The following ZNF704 variants were observed in gnomAD, a reference collection of about 807,000 sequenced individuals.
ZNF704 encodes glucocorticoid induced gene 1.
A neutral mutation model predicts 44.7 loss-of-function variants in ZNF704; 10 were observed. That is an observed-to-expected ratio of 0.22 (90% CI 0.14 to 0.38). The LOEUF is 0.38. Among genes scored for constraint, ZNF704 ranks in the 10% least tolerant of loss-of-function variants. ZNF704 has a pLI of 1.00. For missense variants in ZNF704, 390 were observed against 545.5 expected, an observed-to-expected ratio of 0.71 and a Z score of 2.84; for synonymous variants, 211 against 207.6, an observed-to-expected ratio of 1.02 and a Z score of -0.14.
chr8:80,782,746 G>A (rs955577309), intron 2 of ZNF704, among the ~76,000 whole-genome samples: 10 of 152,148 alleles, frequency 6.6e-5, no homozygotes, highest in Admixed American at 3.9e-4. Context: ...TTTTGAGGAA[G>A]TACAGTCGCT....
intron 2 of ZNF704, among the ~76,000 whole-genome samples, chr8:80,780,524 C>T (rs982694933): frequency 2.0e-5 from 3 of 151,926 alleles, no homozygotes; most frequent in Non-Finnish European, 4.4e-5. Context: ...GAAAAGAGGT[C>T]TTTGTAGCTT....
intron 2 of ZNF704, among the ~76,000 whole-genome samples, chr8:80,755,767 T>C (rs1168000794): frequency 6.6e-6 from 1 of 152,082 alleles, no homozygotes; most frequent in Non-Finnish European, 1.5e-5. Flanking sequence ...AGGTAAGCAA[T>C]GCACAAACAA....
At chr8:80,732,791 A>C (rs1806602988) in intron 2 of ZNF704, among the ~76,000 whole-genome samples, 1 of 152,034 alleles carries the variant, frequency 6.6e-6, no homozygotes, top group South Asian at 2.1e-4. Context: ...CCCCATCTCT[A>C]CTAAAAATAC....
intron 6 of ZNF704, 136 bp from the exon 7 acceptor site, chr8:80,659,825 A>C: frequency 1.4e-6 from 1 of 705,940 alleles, no homozygotes; most frequent in Non-Finnish European, 2.3e-6. Context: ...TAATAGGAAG[A>C]GATTAAACAA....
chr8:80,773,363 C>T (rs548379456), intron 2 of ZNF704, among the ~76,000 whole-genome samples: 5 of 152,166 alleles, frequency 3.3e-5, no homozygotes, highest in African/African-American at 1.2e-4. Flanking sequence ...GGTGTCATCA[C>T]TTTACCAGTT....
chr8:80,820,968 G>A (rs1272434221), intron 2 of ZNF704, among the ~76,000 whole-genome samples: 1 of 151,794 alleles, frequency 6.6e-6, no homozygotes, highest in Non-Finnish European at 1.5e-5. Context: ...AAACAGATCA[G>A]GGGCTGAATT....
rs531352047 is a variant in ZNF704, at chr8:80,767,779, C to T, written c.221+53595G>A. On this transcript the variant is annotated intron_variant, in intron 2 of 8. Transcript: ENST00000327835. ...TTACAAAGAAATTCACTTCGCTCTA[C>T]TCAGCTTTTTTGCTGCTATTAAAAT... Among the ~76,000 whole-genome samples, 5 of 152,334 alleles carry T rather than the reference C, an allele frequency of 3.3e-5. No individual in the cohort carries two copies. In the East Asian group the frequency reaches 9.6e-4, roughly 29 times the overall value.
At chr8:80,767,878 C>T (rs56012605) in intron 2 of ZNF704, among the ~76,000 whole-genome samples, 16,609 of 152,168 alleles carry the variant, frequency 0.11, 1,191 homozygotes, top group African/African-American at 0.21. Context: ...GCTTGCAGTA[C>T]ACATTTTAAG....
chr8:80,735,513 A>G lies in ZNF704; in HGVS notation c.222-42406T>C, dbSNP rs138303198. Among the ~76,000 whole-genome samples the G allele has an allele frequency of 1.4e-3, 215 of 152,348 alleles. 4 individuals carry two copies. In the East Asian group the frequency reaches 0.039, roughly 28 times the overall value. ...CCCACACAAAATCCATGTTCAACAAATGCCTTTTAAATATATTCAACTTAG... is the reference window on the plus strand; with the variant it reads ...CCCACACAAAATCCATGTTCAACAAGTGCCTTTTAAATATATTCAACTTAG... On this transcript the variant is annotated intron_variant, in intron 2 of 8. Coordinates refer to ENST00000327835, the MANE Select transcript of ZNF704 (RefSeq NM_001033723.3).
chr8:80,767,658 T>C (rs899789826), intron 2 of ZNF704, among the ~76,000 whole-genome samples: 1 of 152,220 alleles, frequency 6.6e-6, no homozygotes, highest in Non-Finnish European at 1.5e-5. Context: ...CTAGTTTTTG[T>C]AAACTTATTG....
At chr8:80,709,105 A>G (rs913835897) in intron 2 of ZNF704, among the ~76,000 whole-genome samples, 2 of 152,182 alleles carry the variant, frequency 1.3e-5, no homozygotes, top group Non-Finnish European at 2.9e-5. Flanking sequence ...TTCATCTACC[A>G]TAGACAGAAA....
chr8:80,648,381 A>G (rs113012843), intron 7 of ZNF704, among the ~76,000 whole-genome samples: 1 of 152,140 alleles, frequency 6.6e-6, no homozygotes, highest in Non-Finnish European at 1.5e-5. Flanking sequence ...GAGGCTCAAT[A>G]TGACATGTGA....
chr8:80,671,276 T>TG (rs1818273802), intron 4 of ZNF704, among the ~76,000 whole-genome samples: 1 of 152,166 alleles, frequency 6.6e-6, no homozygotes, highest in South Asian at 2.1e-4. Flanking sequence ...CATAGGTACA[T>TG]GCCACCATGC....
At chr8:80,880,801 A>G in the ZNF704 span, among the ~76,000 whole-genome samples, 9 of 152,282 alleles carry the variant, frequency 5.9e-5, no homozygotes. Flanking sequence ...ACACCATTAA[A>G]AAGTTTTAAA....
At chr8:80,731,328 A>T (rs1806578006) in intron 2 of ZNF704, among the ~76,000 whole-genome samples, 1 of 152,226 alleles carries the variant, frequency 6.6e-6, no homozygotes, top group South Asian at 2.1e-4. Context: ...GTATATATCA[A>T]ATTAACTCCT....
intron 3 of ZNF704, among the ~76,000 whole-genome samples, chr8:80,687,695 T>A (rs1227677988): frequency 6.6e-6 from 1 of 152,238 alleles, no homozygotes; most frequent in Non-Finnish European, 1.5e-5. Flanking sequence ...CTAAGAGTTT[T>A]CTGATGTGTT....
At chr8:80,810,102 T>C (rs1808058404) in intron 2 of ZNF704, among the ~76,000 whole-genome samples, 1 of 152,196 alleles carries the variant, frequency 6.6e-6, no homozygotes, top group Admixed American at 6.5e-5. Flanking sequence ...GCCTCTTAAT[T>C]ATTCTTTCTG....
At chr8:80,794,296 G>A (rs1255925511) in intron 2 of ZNF704, among the ~76,000 whole-genome samples, 1 of 152,116 alleles carries the variant, frequency 6.6e-6, no homozygotes, top group Admixed American at 6.5e-5. Context: ...AGAAACTCGA[G>A]CTTCTTCAAT....
At chr8:80,751,505 T>C (rs1176677640) in intron 2 of ZNF704, among the ~76,000 whole-genome samples, 2 of 152,226 alleles carry the variant, frequency 1.3e-5, no homozygotes, top group Admixed American at 6.5e-5. Flanking sequence ...CACATATTTG[T>C]ATTATTTTCC....
Sources: gnomAD v4.1 joint callset for allele counts (sites outside exome capture counted in the v4.1 genomes callset) on GRCh38, gnomAD v4.1.1 for gene constraint, MANE v1.5 for transcripts, NCBI Gene and HGNC (gene_info 2026-07-23, HGNC 2026-07-21) for gene names.